The following NR2F1 variants were observed in gnomAD, a reference collection of about 807,000 sequenced individuals.
NR2F1 encodes the protein COUP transcription factor 1.
A neutral mutation model predicts 37.7 loss-of-function variants in NR2F1; 1 was observed. The observed-to-expected ratio is 0.03, with a 90% CI of 0.01 to 0.13. The LOEUF (loss-of-function observed/expected upper bound fraction) is 0.13, where lower values mean the gene tolerates loss of function less well. NR2F1 is among the 10% of genes least tolerant of loss of function. NR2F1 has a pLI of 1.00. For synonymous variants in NR2F1, 275 were observed against 259.6 expected (o/e 1.06, Z -0.57); for missense variants, 268 against 578.4 (o/e 0.46, Z 5.50).
intron 2 of NR2F1, among the ~76,000 whole-genome samples, chr5:93,589,175 G>A (rs1338608273): frequency 1.3e-5 from 2 of 152,216 alleles, no homozygotes; most frequent in Non-Finnish European, 2.9e-5. Context: ...CCCGCCTGAA[G>A]ATGAATTCCA....
At chr5:93,592,024 C>A in intron 2 of NR2F1, 1 of 152,226 alleles carries the variant, frequency 6.6e-6, no homozygotes, top group East Asian at 1.9e-4. Context: ...TAGTCTGTAT[C>A]TGAGGTCAAA....
At position 93,593,842 on chromosome 5, in the gene NR2F1, G is replaced by A; in HGVS notation, c.1272G>A (p.Ter424=). 1 of 1,612,602 alleles carries A rather than the reference G, an allele frequency of 6.2e-7. No homozygotes were observed. Among genetic ancestry groups the A allele is most frequent in the Non-Finnish European group, 8.5e-7 (1 of 1,178,780 alleles). Residue 424 remains the stop codon, a stop_retained_variant, in exon 3 of 3, where the codon TAG becomes TAA. Coordinates refer to ENST00000327111, the MANE Select transcript of NR2F1 (RefSeq NM_005654.6). This position sits in a 1 kb window ranked among gnomAD's most constrained non-coding sequence, Gnocchi z 5.6. The part of the protein sequence containing the change: ...NWPYMSIQCS[*] Reference sequence around the variant, plus strand: ...CTTACATGTCCATCCAGTGCTCCTAGACCTTGGGCGCTTCCCACCTGCCCC... The same window carrying A: ...CTTACATGTCCATCCAGTGCTCCTAAACCTTGGGCGCTTCCCACCTGCCCC...
At chr5:93,588,799 G>GTGTGTGTGTGTGTCTCTGTGTGTGTGTC (rs1753281666) in intron 2 of NR2F1, among the ~76,000 whole-genome samples, 3 of 151,686 alleles carry the variant, frequency 2.0e-5, no homozygotes, top group Non-Finnish European at 2.9e-5. Context: ...GCGCGTGTGT[G>GTGTGTGTGTGTGTCTCTGTGTGTGTGTC]TGTGTGTGTG....
At chr5:93,585,685 C>G (rs1275247741) in intron 1 of NR2F1, 199 bp downstream of exon 1, 1 of 580,942 alleles carries the variant, frequency 1.7e-6, no homozygotes, top group Non-Finnish European at 3.1e-6. Context: ...CCTCCCCCTC[C>G]CGGCCTGCGC....
chr5:93,588,565 G>A, intron 2 of NR2F1, 121 bp downstream of exon 2: 1 of 573,408 alleles, frequency 1.7e-6, no homozygotes, highest in Non-Finnish European at 2.2e-6. Flanking sequence ...GGCCCTCGCT[G>A]GACACTGAGC....
chr5:93,587,397 C>G (rs1753250513), intron 1 of NR2F1: 1 of 152,800 alleles, frequency 6.5e-6, no homozygotes, highest in Non-Finnish European at 1.5e-5. Context: ...GGATATGTAA[C>G]TTGTGTCTAT....
rs946373674 is a variant in NR2F1, at chr5:93,593,777, A to G, written c.1207A>G (p.Ile403Val). 6.2e-7 allele frequency: 1 copy of G among 1,614,072 alleles called. No homozygotes were observed. Among genetic ancestry groups the G allele is most frequent in the Non-Finnish European group, 8.5e-7 (1 of 1,180,044 alleles). ...AGGTAAAACCCCCATCGAAACTCTC[A>G]TCCGCGATATGTTACTGTCTGGGAG... Reference protein sequence around the residue: ...LVGKTPIETLIRDMLLSGSSF... With the variant: ...LVGKTPIETLVRDMLLSGSSF... The change falls in exon 3 of 3, where the codon ATC becomes GTC. Residue 403 changes from isoleucine to valine, a missense_variant. Ile to Val is a conservative substitution (Grantham distance 29). Around this residue, in one of 5 missense-constraint regions of NR2F1, gnomAD observed 99 missense variants for 191.9 expected, o/e 0.52. Coordinates refer to ENST00000327111, the MANE Select transcript of NR2F1 (RefSeq NM_005654.6). The surrounding 1 kb of genome is among the most constrained non-coding windows in gnomAD (Gnocchi z 5.6).
Position 93,588,454 on chromosome 5 carries a change from CG to C in NR2F1, c.991+12del, listed in dbSNP as rs774050994. On this transcript the variant is annotated intron_variant, in intron 2 of 2. Coordinates refer to ENST00000327111, the MANE Select transcript of NR2F1 (RefSeq NM_005654.6). ...GTGCTGTTCACGTCAGGTGAGGCTG[CG>C]GTCGCGGGGAGGGCAGGCCGCGCCG... 14 of 1,557,266 alleles carry C rather than the reference CG, an allele frequency of 9.0e-6. No individual in the cohort carries two copies. Among genetic ancestry groups the C allele is most frequent in the Non-Finnish European group, 1.2e-5 (14 of 1,147,158 alleles).
chr5:93,585,510 C>T, intron 1 of NR2F1, 24 bp downstream of exon 1: 1 of 1,579,934 alleles, frequency 6.3e-7, no homozygotes, highest in Non-Finnish European at 8.7e-7. Flanking sequence ...CTCTGCTTCT[C>T]TCCCCGCGCT....
chr5:93,589,853 C>A (rs1471449765), intron 2 of NR2F1, among the ~76,000 whole-genome samples: 1 of 152,236 alleles, frequency 6.6e-6, no homozygotes, highest in Non-Finnish European at 1.5e-5. Flanking sequence ...TAGACAAGAG[C>A]ATCTCATTTG....
rs150535337 is a variant in NR2F1, at chr5:93,593,259, A to G, written c.992-303A>G. ...ACATTATTTAATCCAAAGGTGAAAG[A>G]GGAAAAACAAAGGGACTAGAGAGGT... On this transcript the variant is annotated intron_variant, in intron 2 of 2. Transcript: ENST00000327111. This position sits in a 1 kb window ranked among gnomAD's most constrained non-coding sequence, Gnocchi z 5.6. Among the ~76,000 whole-genome samples the G allele has an allele frequency of 1.3e-5, 2 of 152,242 alleles. No homozygotes were observed. Among genetic ancestry groups the G allele is most frequent in the African/African-American group, 4.8e-5 (2 of 41,546 alleles).
Position 93,585,179 on chromosome 5 carries a change from G to A in NR2F1, c.156G>A (p.Pro52=). Residue 52 remains proline (P), a synonymous_variant, in exon 1 of 3, where the codon CCG becomes CCA. Coordinates refer to ENST00000327111, the MANE Select transcript of NR2F1 (RefSeq NM_005654.6). ...CGGGCTCGGGCGCGCCGCACACGCC[G>A]CAGACCCCGGGCCAGCCCGGAGCGC... The part of the protein sequence containing the change: ...QQAGSGAPHT[P]QTPGQPGAPA... 6.9e-7 allele frequency: 1 copy of A among 1,452,842 alleles called. No homozygotes were observed. The allele number at this position is 1,452,842 out of a possible 1,614,324, so 90.0% of individuals were successfully genotyped here.
intron 1 of NR2F1, among the ~76,000 whole-genome samples, chr5:93,586,489 A>G (rs1247198463): frequency 1.3e-5 from 2 of 152,194 alleles, no homozygotes; most frequent in Non-Finnish European, 2.9e-5. Flanking sequence ...CTTTTCTTAT[A>G]AATATATTTA....
At chr5:93,587,681 C>T in intron 1 of NR2F1, 2 of 525,116 alleles carry the variant, frequency 3.8e-6, no homozygotes, top group Non-Finnish European at 6.7e-6. Context: ...CTAGCTCCGG[C>T]GGGGCTGACG....
chr5:93,585,057 C>A lies in NR2F1; in HGVS notation c.34C>A (p.Gln12Lys). The A allele has an allele frequency of 1.9e-6, 2 of 1,038,628 alleles. No individual in the cohort carries two copies. The highest frequency in any genetic ancestry group is 8.7e-5 in the East Asian group (1 of 11,518). 64.3% of individuals were successfully genotyped at this position (1,038,628 alleles called of 1,614,324 possible). A position where few individuals can be genotyped will look rare whatever the true frequency, so the allele number is the denominator to read the frequency against. ...GGTAGTTAGCAGCTGGCGAGATCCG[C>A]AGGACGACGTGGCCGGGGGCAACCC... ...AMVVSSWRDPQDDVAGGNPGG... is the reference protein window; with the variant it reads ...AMVVSSWRDPKDDVAGGNPGG... Residue 12 changes from glutamine (Q) to lysine (K), a missense_variant, in exon 1 of 3, where the codon CAG becomes AAG. This residue lies in a region of NR2F1 where 90 missense variants were observed against 106.5 expected (regional missense o/e 0.85). Transcript: ENST00000327111.
intron 2 of NR2F1, among the ~76,000 whole-genome samples, chr5:93,590,583 C>T (rs532197900): frequency 6.6e-6 from 1 of 152,266 alleles, no homozygotes; most frequent in Non-Finnish European, 1.5e-5. Flanking sequence ...GGAAATAGAG[C>T]TGTCAGTAGT....
rs747029125 is a variant in NR2F1, at chr5:93,593,710, G to A, written c.1140G>A (p.Val380=). 9 of 1,614,102 alleles carry A rather than the reference G, an allele frequency of 5.6e-6. No individual in the cohort carries two copies. The highest frequency in any genetic ancestry group is 1.1e-5 in the South Asian group (1 of 91,094). ...LLLRLPSLRT[V]SSSVIEQLFF... ...TGCGACTGCCCTCGCTGCGCACCGT[G>A]TCCTCCTCCGTCATCGAGCAGCTCT... Residue 380 remains valine (V), a synonymous_variant, in exon 3 of 3, where the codon GTG becomes GTA. Coordinates refer to ENST00000327111, the MANE Select transcript of NR2F1 (RefSeq NM_005654.6). The surrounding 1 kb of genome is among the most constrained non-coding windows in gnomAD (Gnocchi z 5.6).
In NR2F1 at chr5:93,588,047, C is replaced by T. The variant is rs1753262697; in HGVS notation, c.594C>T (p.Tyr198=). The T allele has an allele frequency of 1.2e-6, 2 of 1,614,102 alleles. No individual in the cohort carries two copies. Among genetic ancestry groups the T allele is most frequent in the Non-Finnish European group, 1.7e-6 (2 of 1,180,026 alleles). ...CGCTGCTGCTGCGCGCCGAGCCCTA[C>T]CCCACGTCGCGCTACGGCAGCCAGT... is the stretch of plus-strand genomic sequence containing the variant. ...YISLLLRAEP[Y]PTSRYGSQCM... Residue 198 remains tyrosine (Y), a synonymous_variant, in exon 2 of 3, where the codon TAC becomes TAT. Coordinates refer to ENST00000327111, the MANE Select transcript of NR2F1 (RefSeq NM_005654.6).
chr5:93,593,870 C>A lies in NR2F1; in HGVS notation c.*28C>A. 1.9e-6 allele frequency: 3 copies of A among 1,602,062 alleles called. No individual in the cohort carries two copies. The highest frequency in any genetic ancestry group is 2.6e-6 in the Non-Finnish European group (3 of 1,172,534). On this transcript the variant is annotated 3_prime_UTR_variant, in exon 3 of 3. Coordinates refer to ENST00000327111, the MANE Select transcript of NR2F1 (RefSeq NM_005654.6). The surrounding 1 kb of genome is among the most constrained non-coding windows in gnomAD (Gnocchi z 5.6). ...CTTGGGCGCTTCCCACCTGCCCCGT[C>A]CCCCTAGAGACTCAGAGGACCCACC...
Sources: gnomAD v4.1 joint callset for allele counts (sites outside exome capture counted in the v4.1 genomes callset) on GRCh38, gnomAD v4.1.1 for gene constraint, gnomAD v4.1.1 regional missense constraint, Gnocchi (gnomAD v3.1) non-coding constraint, MANE v1.5 for transcripts, NCBI Gene and HGNC (gene_info 2026-07-23, HGNC 2026-07-21) for gene names.